Variants in ZNF57 observed in about 807,000 individuals in gnomAD.
The protein encoded by ZNF57 is zinc finger protein 424.
Under a neutral mutation model 13.4 loss-of-function variants are expected in ZNF57, and 11 were observed. The observed-to-expected ratio is 0.82, with a 90% CI of 0.52 to 1.36. ZNF57 has a LOEUF of 1.36. ZNF57 is among the 40% of genes most tolerant of loss of function. ZNF57 has a pLI of 0.00. For missense variants in ZNF57, 696 were observed against 667.5 expected, an observed-to-expected ratio of 1.04 and a Z score of -0.47; for synonymous variants, 224 against 238.5, an observed-to-expected ratio of 0.94 and a Z score of 0.56.
chr19:2,906,515 G>A (rs999969452), intron 1 of ZNF57, among the ~76,000 whole-genome samples: 2 of 152,216 alleles, frequency 1.3e-5, no homozygotes, highest in African/African-American at 4.8e-5. Context: ...TGTCATTGTG[G>A]AGTTGATTGC....
At chr19:2,907,759 A>T (rs953117950) in intron 1 of ZNF57, among the ~76,000 whole-genome samples, 9 of 152,192 alleles carry the variant, frequency 5.9e-5, no homozygotes, top group African/African-American at 2.2e-4. Context: ...TGTTGCCCAG[A>T]CTGGAGTACA....
intron 1 of ZNF57, among the ~76,000 whole-genome samples, chr19:2,911,256 C>T (rs185902632): frequency 2.0e-5 from 3 of 151,988 alleles, no homozygotes; most frequent in African/African-American, 7.2e-5. Context: ...TGTGGCCGGG[C>T]ACGGTGGCTC....
intron 1 of ZNF57, among the ~76,000 whole-genome samples, chr19:2,904,572 C>T (rs796181368): frequency 1.3e-4 from 20 of 151,926 alleles, no homozygotes; most frequent in African/African-American, 3.6e-4. Flanking sequence ...GACAGAGTTT[C>T]GCTCTGTGGC....
chr19:2,913,443 ATAGG>A (rs2088158667), intron 1 of ZNF57, among the ~76,000 whole-genome samples: 1 of 152,014 alleles, frequency 6.6e-6, no homozygotes, highest in Admixed American at 6.6e-5. Flanking sequence ...AATCTTTAGG[ATAGG>A]TATTTATAGC....
At chr19:2,912,807 A>G (rs1403333608) in intron 1 of ZNF57, among the ~76,000 whole-genome samples, 1 of 152,204 alleles carries the variant, frequency 6.6e-6, no homozygotes, top group Non-Finnish European at 1.5e-5. Flanking sequence ...TATCCTTGCC[A>G]AAACTTATTT....
intron 1 of ZNF57, among the ~76,000 whole-genome samples, chr19:2,912,605 A>G (rs1220641206): frequency 6.6e-6 from 1 of 152,212 alleles, no homozygotes; most frequent in Non-Finnish European, 1.5e-5. Context: ...TGAAGGATGG[A>G]AGAAGAGCTT....
chr19:2,907,764 AGT>A (rs1568180074), intron 1 of ZNF57, among the ~76,000 whole-genome samples: 9 of 152,246 alleles, frequency 5.9e-5, no homozygotes, highest in African/African-American at 2.2e-4. Flanking sequence ...CCCAGACTGG[AGT>A]ACAGTGGTGT....
At chr19:2,913,940 C>A (rs1341383513) in intron 1 of ZNF57, among the ~76,000 whole-genome samples, 1 of 152,112 alleles carries the variant, frequency 6.6e-6, no homozygotes, top group Non-Finnish European at 1.5e-5. Flanking sequence ...CGCGCCCGGC[C>A]AATATTTTGT....
intron 2 of ZNF57, 63 bp downstream of exon 2, chr19:2,915,711 G>A (rs750705011): frequency 6.2e-7 from 1 of 1,610,390 alleles, no homozygotes; most frequent in South Asian, 1.1e-5. Flanking sequence ...CATCAGTTCT[G>A]TTGCAAGATG....
chr19:2,911,819 T>C (rs185397762), intron 1 of ZNF57, among the ~76,000 whole-genome samples: 1 of 152,226 alleles, frequency 6.6e-6, no homozygotes, highest in Non-Finnish European at 1.5e-5. Context: ...TTTTTCATTC[T>C]TAGGATTTCC....
intron 1 of ZNF57, among the ~76,000 whole-genome samples, chr19:2,906,818 T>C (rs2088079763): frequency 6.6e-6 from 1 of 152,160 alleles, no homozygotes; most frequent in Non-Finnish European, 1.5e-5. Flanking sequence ...AAGGAGGTTC[T>C]GTGGACCCGT....
Position 2,918,323 on chromosome 19 carries a change from A to ACATTAATTCATGT in ZNF57, c.*35_*47dup. ...TCTATAACTTTAATGGGGTAACCTCACATTAATTCATGTATAATGCTCCAG... is the reference window on the plus strand; with the variant it reads ...TCTATAACTTTAATGGGGTAACCTCACATTAATTCATGTCATTAATTCATGTATAATGCTCCAG... On this transcript the variant is annotated 3_prime_UTR_variant, in exon 4 of 4. Transcript: ENST00000306908. 1 of 1,537,360 alleles carries ACATTAATTCATGT rather than the reference A, an allele frequency of 6.5e-7. No individual in the cohort carries two copies. The highest frequency in any genetic ancestry group is 2.3e-5 in the East Asian group (1 of 44,296).
intron 1 of ZNF57, among the ~76,000 whole-genome samples, chr19:2,907,939 C>G (rs1208946907): frequency 6.6e-6 from 1 of 152,106 alleles, no homozygotes; most frequent in Non-Finnish European, 1.5e-5. Flanking sequence ...GTCTCAAATT[C>G]CTGGCCTCAA....
rs746304188 is a variant in ZNF57, at chr19:2,910,768, A to G, written c.4-4754A>G. 2.6e-4 allele frequency among the ~76,000 whole-genome samples: 16 copies of G among 62,558 alleles called. 2 individuals carry two copies. The highest frequency in any genetic ancestry group is 1.5e-3 in the East Asian group (2 of 1,348). 41.0% of individuals were successfully genotyped at this position (62,558 alleles called of 152,430 possible). ...AGCCAATGCGCCTGGCCTAATTTTT[A>G]TATTTTTAGTAGAGACGGGGTTTCC... On this transcript the variant is annotated intron_variant, in intron 1 of 3. Transcript: ENST00000306908.
At chr19:2,910,902 G>C (rs925249974) in intron 1 of ZNF57, among the ~76,000 whole-genome samples, 1 of 151,458 alleles carries the variant, frequency 6.6e-6, no homozygotes, top group Non-Finnish European at 1.5e-5. Flanking sequence ...CCTGGTTACT[G>C]TTTTCTGTTT....
chr19:2,905,851 T>C (rs2144920675), intron 1 of ZNF57, among the ~76,000 whole-genome samples: 1 of 152,144 alleles, frequency 6.6e-6, no homozygotes, highest in African/African-American at 2.4e-5. Context: ...TTTCAGTTCT[T>C]AGAAGTAGTT....
intron 3 of ZNF57, 141 bp downstream of exon 3, chr19:2,916,390 A>AT: frequency 1.3e-6 from 1 of 743,814 alleles, no homozygotes; most frequent in Non-Finnish European, 2.1e-6. Context: ...TGACTAAGAC[A>AT]TTGAGAATTT....
intron 1 of ZNF57, 50 bp downstream of exon 1, chr19:2,901,098 C>T: frequency 6.8e-7 from 1 of 1,474,112 alleles, no homozygotes; most frequent in Middle Eastern, 1.7e-4. Context: ...GCGACGGGAA[C>T]CGGCTGGAAC....
intron 1 of ZNF57, among the ~76,000 whole-genome samples, chr19:2,907,683 C>T (rs1211272250): frequency 6.6e-6 from 1 of 152,116 alleles, no homozygotes; most frequent in African/African-American, 2.4e-5. Flanking sequence ...GACTCTTTTT[C>T]TCTGTTAGAT....
Sources: allele counts gnomAD v4.1 joint callset (sites outside exome capture counted in the v4.1 genomes callset), GRCh38; gene constraint gnomAD v4.1.1; transcripts MANE v1.5; gene names NCBI Gene and HGNC (gene_info 2026-07-23, HGNC 2026-07-21).